Variants in GNE observed in about 807,000 individuals in gnomAD.
GNE encodes bifunctional UDP-N-acetylglucosamine 2-epimerase/N-acetylmannosamine kinase.
In GNE, 41 loss-of-function variants were observed where a neutral mutation model predicts 61.8. The observed-to-expected ratio is 0.66, with a 90% confidence interval of 0.52 to 0.86. The LOEUF (loss-of-function observed/expected upper bound fraction) is 0.86. Among genes scored for constraint, GNE ranks in the 40% least tolerant of loss-of-function variants. The pLI, the probability that GNE is intolerant of heterozygous loss-of-function variation, is 0.00. For synonymous variants in GNE, 264 were observed against 326.4 expected (o/e 0.81, Z 2.06); for missense variants, 608 against 909.1 (o/e 0.67, Z 4.26).
intron 9 of GNE, among the ~76,000 whole-genome samples, chr9:36,222,244 C>T (rs1828621237): frequency 6.6e-6 from 1 of 151,810 alleles, no homozygotes; most frequent in African/African-American, 2.4e-5. Flanking sequence ...CGGTGAAACC[C>T]CGTCTCTACT....
chr9:36,274,860 C>T (rs1222580044), intron 1 of GNE, among the ~76,000 whole-genome samples: 2 of 151,544 alleles, frequency 1.3e-5, no homozygotes, highest in Non-Finnish European at 2.9e-5. Flanking sequence ...GTAGCTGGGA[C>T]TACAGGCACC....
chr9:36,246,508 T>G (rs761800850), intron 2 of GNE, 26 bp from the exon 3 acceptor site: 1 of 1,545,788 alleles, frequency 6.5e-7, no homozygotes, highest in Non-Finnish European at 8.9e-7. Flanking sequence ...AATAAAGATA[T>G]AAGAACATGT....
intron 1 of GNE, among the ~76,000 whole-genome samples, chr9:36,254,718 G>A (rs1458884212): frequency 1.3e-5 from 2 of 152,144 alleles, no homozygotes; most frequent in Admixed American, 6.6e-5. Flanking sequence ...TTGGGAGGAC[G>A]AGGCGGGCGG....
At chr9:36,261,815 CGG>C (rs1830626776), upstream of GNE, among the ~76,000 whole-genome samples, 1 of 150,478 alleles carries the variant, frequency 6.6e-6, no homozygotes, top group Non-Finnish European at 1.5e-5. Context: ...CCCAGCTACG[CGG>C]GAGGCTGAGG....
intron 5 of GNE, among the ~76,000 whole-genome samples, chr9:36,231,096 AG>A (rs1829133625): frequency 8.9e-6 from 1 of 112,662 alleles, no homozygotes; most frequent in African/African-American, 3.1e-5. Context: ...AAAGAAAGAG[AG>A]AGAGAGAAAG....
chr9:36,217,078 C>T lies in GNE; in HGVS notation c.*287G>A, dbSNP rs1264855505. ...GTAAGCAGAGTTCTAAGAAGGCTTC[C>T]TCTCTATTATTGTAGCTGCTTTGGC... On this transcript the variant is annotated 3_prime_UTR_variant, in exon 12 of 12. Transcript: ENST00000642385. The T allele has an allele frequency of 2.2e-6, 1 of 460,286 alleles. No individual in the cohort carries two copies. Among genetic ancestry groups the T allele is most frequent in the East Asian group, 4.3e-5 (1 of 23,060 alleles). The allele number at this position is 460,286 out of a possible 1,614,324, so 28.5% of individuals were successfully genotyped here.
chr9:36,252,099 C>T (rs970299998), intron 1 of GNE, among the ~76,000 whole-genome samples: 4 of 151,488 alleles, frequency 2.6e-5, no homozygotes, highest in Non-Finnish European at 5.9e-5. Context: ...AATTCTCCTG[C>T]CTCAGCCTCC....
intron 1 of GNE, among the ~76,000 whole-genome samples, chr9:36,254,142 T>C (rs1427126416): frequency 6.6e-6 from 1 of 151,314 alleles, no homozygotes; most frequent in East Asian, 1.9e-4. Context: ...GAGGCAGAGG[T>C]TGCAGTGAGC....
chr9:36,259,407 A>G (rs1413199769), upstream of GNE, among the ~76,000 whole-genome samples: 2 of 151,884 alleles, frequency 1.3e-5, no homozygotes, highest in African/African-American at 4.8e-5. Context: ...TTTTTTTACA[A>G]CCATTAAAAA....
At chr9:36,237,076 G>A in intron 3 of GNE, 92 bp from the exon 4 acceptor site, 2 of 1,026,254 alleles carry the variant, frequency 1.9e-6, no homozygotes, top group Non-Finnish European at 1.5e-6. Flanking sequence ...CTAAGTCTGT[G>A]CTTTTAAAAA....
chr9:36,218,967 G>A lies in GNE; in HGVS notation c.1817-668C>T, dbSNP rs947155863. On this transcript the variant is annotated intron_variant, in intron 10 of 11. Transcript: ENST00000642385. This position sits in a 1 kb window ranked among gnomAD's most constrained non-coding sequence, Gnocchi z 4.1. ...TATCTGTAGTCCTTGTCTTCTGCCC[G>A]TCACCAACTCAGATCAATCTGCCTC... Among the ~76,000 whole-genome samples the A allele has an allele frequency of 3.3e-5, 5 of 152,266 alleles. No individual in the cohort carries two copies. The highest frequency in any genetic ancestry group is 1.9e-4 in the East Asian group (1 of 5,188).
chr9:36,276,964 A>T (rs779995420), exon 1 of GNE: 1 of 1,613,186 alleles, frequency 6.2e-7, no homozygotes, highest in Non-Finnish European at 8.5e-7. Flanking sequence ...CGAGCTCTGT[A>T]CCCTAGTGTG....
At chr9:36,251,916 C>T (rs1462934282) in intron 1 of GNE, among the ~76,000 whole-genome samples, 1 of 151,788 alleles carries the variant, frequency 6.6e-6, no homozygotes, top group Non-Finnish European at 1.5e-5. Flanking sequence ...CAATGGCAAA[C>T]ACTTACAATA....
chr9:36,245,006 G>A (rs1004352118), intron 3 of GNE, among the ~76,000 whole-genome samples: 6 of 151,572 alleles, frequency 4.0e-5, no homozygotes, highest in African/African-American at 9.7e-5. Context: ...GGCCAGGCAC[G>A]GTGGCTCACG....
At chr9:36,272,897 A>G in intron 1 of GNE, among the ~76,000 whole-genome samples, 1 of 143,658 alleles carries the variant, frequency 7.0e-6, no homozygotes, top group Admixed American at 7.1e-5. Context: ...GTGGTGGTGA[A>G]ACCTCATCTA....
intron 1 of GNE, among the ~76,000 whole-genome samples, chr9:36,273,955 T>C (rs1831143891): frequency 6.6e-6 from 1 of 152,066 alleles, no homozygotes; most frequent in Non-Finnish European, 1.5e-5. Flanking sequence ...TCTTTAATGG[T>C]ATTTTTCACA....
At chr9:36,219,707 GCCCTGCTCTTT>G (rs2133005090) in intron 10 of GNE, 120 bp downstream of exon 10, 1 of 806,014 alleles carries the variant, frequency 1.2e-6, no homozygotes, top group East Asian at 2.6e-5. Flanking sequence ...GTGCGAGGGA[GCCCTGCTCTTT>G]CCCTAAGAAG....
chr9:36,222,757 C>A lies in GNE; in HGVS notation c.1633+20G>T. The A allele has an allele frequency of 6.5e-7, 1 of 1,527,306 alleles. No homozygotes were observed. The highest frequency in any genetic ancestry group is 9.1e-7 in the Non-Finnish European group (1 of 1,100,872). The allele number at this position is 1,527,306 out of a possible 1,614,324, so 94.6% of individuals were successfully genotyped here. ...ATATACATTCTAGCTCCTGAACCAA[C>A]CTCCCCCTACCCCTCTTACCTGTGC... On this transcript the variant is annotated intron_variant, in intron 9 of 11. Coordinates refer to ENST00000642385, the MANE Select transcript of GNE (RefSeq NM_005476.7).
intron 4 of GNE, among the ~76,000 whole-genome samples, chr9:36,235,371 A>C (rs143884047): frequency 5.3e-5 from 8 of 152,292 alleles, no homozygotes; most frequent in African/African-American, 1.7e-4. Context: ...GATAATGATA[A>C]AGTGATGCCT....
Sources: gnomAD v4.1 joint callset for allele counts (sites outside exome capture counted in the v4.1 genomes callset) on GRCh38, gnomAD v4.1.1 for gene constraint, Gnocchi (gnomAD v3.1) non-coding constraint, MANE v1.5 for transcripts, NCBI Gene and HGNC (gene_info 2026-07-23, HGNC 2026-07-21) for gene names.